The following CDKAL1 variants were observed in gnomAD, a reference collection of about 807,000 sequenced individuals.
CDKAL1 encodes the protein CDKAL1 threonylcarbamoyladenosine tRNA methylthiotransferase.
In CDKAL1, 32 loss-of-function variants were observed where a neutral mutation model predicts 68.2. The ratio of observed to expected loss-of-function variants is 0.47; its 90% CI spans 0.35 to 0.63. CDKAL1 has a LOEUF of 0.63. Ranked by LOEUF, CDKAL1 falls within the 30% of genes least tolerant of loss-of-function variation. The probability of loss-of-function intolerance (pLI) is 0.00; values close to 1 mark genes in which losing one functional copy is unlikely to be tolerated. For synonymous variants in CDKAL1, 234 were observed against 244.3 expected (o/e 0.96, Z 0.39); for missense variants, 606 against 696.7 (o/e 0.87, Z 1.47).
chr6:21,048,899 G>A (rs1360072903), intron 11 of CDKAL1, among the ~76,000 whole-genome samples: 1 of 151,418 alleles, frequency 6.6e-6, no homozygotes, highest in African/African-American at 2.4e-5. Context: ...CATTTAATTG[G>A]TTCTGCTAAT....
chr6:20,593,953 C>T (rs139277433), intron 4 of CDKAL1, among the ~76,000 whole-genome samples: 10,382 of 152,132 alleles, frequency 0.068, 480 homozygotes, highest in African/African-American at 0.13. Flanking sequence ...CATTCAGGAG[C>T]AGGTTGTTCA....
At chr6:20,590,714 C>T (rs984749879) in intron 4 of CDKAL1, among the ~76,000 whole-genome samples, 1 of 152,134 alleles carries the variant, frequency 6.6e-6, no homozygotes, top group African/African-American at 2.4e-5. Context: ...GTATAGTATT[C>T]CATGGTGTAT....
In CDKAL1 at chr6:21,009,331, A is replaced by G. The variant is rs147594438; in HGVS notation, c.1055+8959A>G. Reference sequence around the variant, plus strand: ...TGAAAATTATACTACACTATTGAATAGAAATGTTATATTATACATGCCATC... The same window carrying G: ...TGAAAATTATACTACACTATTGAATGGAAATGTTATATTATACATGCCATC... On this transcript the variant is annotated intron_variant, in intron 11 of 15. Coordinates refer to ENST00000274695, the MANE Select transcript of CDKAL1 (RefSeq NM_017774.3). 3.1e-3 allele frequency among the ~76,000 whole-genome samples: 478 copies of G among 152,360 alleles called. 10 individuals are homozygous for G. The highest frequency in any genetic ancestry group is 0.028 in the Admixed American group (435 of 15,306).
intron 10 of CDKAL1, among the ~76,000 whole-genome samples, chr6:20,960,516 C>T (rs532594956): frequency 6.6e-6 from 1 of 152,326 alleles, no homozygotes; most frequent in South Asian, 2.1e-4. Flanking sequence ...AATGGTGCAT[C>T]ATGATTACTT....
intron 2 of CDKAL1, among the ~76,000 whole-genome samples, chr6:20,546,061 CT>C (rs71695596): frequency 0.053 from 8,071 of 152,284 alleles, 229 homozygotes; most frequent in Middle Eastern, 0.079. Flanking sequence ...TCCTCTCCTA[CT>C]TTTTCCTACT....
chr6:20,654,713 ATTCT>A (rs1439809791), intron 5 of CDKAL1, among the ~76,000 whole-genome samples: 2 of 151,886 alleles, frequency 1.3e-5, no homozygotes, highest in East Asian at 3.9e-4. Context: ...TTTAAGTTCT[ATTCT>A]TTCTTCTTTT....
intron 11 of CDKAL1, among the ~76,000 whole-genome samples, chr6:21,031,784 G>A (rs189610069): frequency 2.9e-4 from 44 of 152,134 alleles, no homozygotes; most frequent in East Asian, 5.8e-4. Context: ...TTTTCAGTGC[G>A]TTATTTGCAT....
chr6:20,705,530 G>T (rs1771555594), intron 5 of CDKAL1, among the ~76,000 whole-genome samples: 1 of 152,154 alleles, frequency 6.6e-6, no homozygotes, highest in South Asian at 2.1e-4. Flanking sequence ...ACCATATAAA[G>T]ACAAGACAAA....
chr6:20,618,510 T>C (rs1336889759), intron 4 of CDKAL1, among the ~76,000 whole-genome samples: 2 of 152,216 alleles, frequency 1.3e-5, no homozygotes, highest in Non-Finnish European at 2.9e-5. Context: ...CTGAATGATA[T>C]TGCCTAATCT....
chr6:20,734,810 C>G (rs1773110880), intron 5 of CDKAL1, among the ~76,000 whole-genome samples: 2 of 151,850 alleles, frequency 1.3e-5, no homozygotes, highest in South Asian at 4.2e-4. Context: ...TCAAGCTATA[C>G]ACCTGCCTAG....
At chr6:21,127,320 T>C (rs113643268) in intron 13 of CDKAL1, among the ~76,000 whole-genome samples, 13 of 152,298 alleles carry the variant, frequency 8.5e-5, no homozygotes, top group African/African-American at 2.9e-4. Flanking sequence ...CCATCAACAT[T>C]TGAGTAATAT....
intron 11 of CDKAL1, among the ~76,000 whole-genome samples, chr6:21,003,371 T>TATACACACACACACACACACAC: frequency 2.0e-5 from 1 of 49,312 alleles, no homozygotes; most frequent in African/African-American, 1.1e-4. Flanking sequence ...TATATATATA[T>TATACACACACACACACACACAC]ACACACACAC....
chr6:20,620,113 T>C (rs1236449249), intron 4 of CDKAL1, among the ~76,000 whole-genome samples: 1 of 152,222 alleles, frequency 6.6e-6, no homozygotes, highest in East Asian at 1.9e-4. Flanking sequence ...TTCATATGTG[T>C]TGGTTAAGTG....
intron 4 of CDKAL1, among the ~76,000 whole-genome samples, chr6:20,620,870 C>A (rs749603598): frequency 6.6e-6 from 1 of 151,976 alleles, no homozygotes; most frequent in East Asian, 1.9e-4. Context: ...TATATTAGTA[C>A]GGTATGTTTG....
chr6:20,602,782 G>C (rs567321693), intron 4 of CDKAL1, among the ~76,000 whole-genome samples: 53 of 152,240 alleles, frequency 3.5e-4, no homozygotes, highest in African/African-American at 1.2e-3. Context: ...TTCTGGGCTG[G>C]GTTTGGAGCA....
intron 10 of CDKAL1, among the ~76,000 whole-genome samples, chr6:20,967,382 A>G (rs1561923153): frequency 1.3e-5 from 2 of 152,162 alleles, no homozygotes; most frequent in East Asian, 3.8e-4. Context: ...TTTACTATAT[A>G]TATTTTAAGT....
chr6:20,824,382 T>G (rs1221065023), intron 8 of CDKAL1, among the ~76,000 whole-genome samples: 3 of 152,148 alleles, frequency 2.0e-5, no homozygotes, highest in South Asian at 2.1e-4. Context: ...GGGCATAATT[T>G]AGGGTCCTCT....
intron 13 of CDKAL1, among the ~76,000 whole-genome samples, chr6:21,151,854 G>A (rs1161134910): frequency 1.3e-5 from 2 of 152,120 alleles, no homozygotes; most frequent in Non-Finnish European, 1.5e-5. Context: ...GAAAAATGCA[G>A]TTCGTATCTA....
chr6:20,573,137 A>G (rs895283935), intron 4 of CDKAL1, among the ~76,000 whole-genome samples: 2 of 152,126 alleles, frequency 1.3e-5, no homozygotes, highest in East Asian at 3.8e-4. Context: ...ACTCATTGTT[A>G]CACATTTCCT....
Sources: gnomAD v4.1 joint callset for allele counts (sites outside exome capture counted in the v4.1 genomes callset) on GRCh38, gnomAD v4.1.1 for gene constraint, MANE v1.5 for transcripts, NCBI Gene and HGNC (gene_info 2026-07-23, HGNC 2026-07-21) for gene names.